Variants in LINGO2 observed in about 807,000 individuals in gnomAD.
LINGO2 encodes the protein leucine rich repeat and Ig domain containing 2.
In LINGO2, 14 loss-of-function variants were observed where a neutral mutation model predicts 30.6. The observed-to-expected ratio is 0.46, with a 90% CI of 0.30 to 0.72. LINGO2 has a LOEUF of 0.72. Among genes scored for constraint, LINGO2 ranks in the 30% least tolerant of loss-of-function variants. LINGO2 has a pLI of 0.07. For synonymous variants in LINGO2, 317 were observed against 288.5 expected (o/e 1.10, Z -1.00); for missense variants, 729 against 751.7 (o/e 0.97, Z 0.35).
rs557006529 is a variant in LINGO2 at position 28,072,829 on chromosome 9, A to G, written c.-86-60424T>C. On this transcript the variant is annotated intron_variant, in intron 4 of 5. Coordinates refer to ENST00000379992, the Ensembl canonical transcript of LINGO2. ...TGGGGCTGGGCCACTTAATGACCAGAAAGGGCAGGAATGGACAACGTAGCG... is the reference window on the plus strand; with the variant it reads ...TGGGGCTGGGCCACTTAATGACCAGGAAGGGCAGGAATGGACAACGTAGCG... Among the ~76,000 whole-genome samples, 10 of 152,126 alleles carry G rather than the reference A, an allele frequency of 6.6e-5. No homozygotes were observed. The South Asian group carries it at 2.1e-3, about 32-fold the overall frequency.
At chr9:28,309,549 T>C (rs1473702852) in intron 3 of LINGO2, among the ~76,000 whole-genome samples, 1 of 151,696 alleles carries the variant, frequency 6.6e-6, no homozygotes, top group Non-Finnish European at 1.5e-5. Flanking sequence ...AACCTGCATG[T>C]TGTGCACATG....
intron 4 of LINGO2, among the ~76,000 whole-genome samples, chr9:28,187,491 G>GAA (rs34656512): frequency 1.5e-5 from 2 of 133,010 alleles, no homozygotes; most frequent in Non-Finnish European, 3.2e-5. Flanking sequence ...CTCTGTCTCA[G>GAA]AAAAAAAAAA....
intron 4 of LINGO2, among the ~76,000 whole-genome samples, chr9:28,095,768 C>T (rs1488820602): frequency 6.6e-6 from 1 of 152,130 alleles, no homozygotes; most frequent in Non-Finnish European, 1.5e-5. Flanking sequence ...TCAGACTGAA[C>T]AGGCAACCTA....
At chr9:28,552,349 C>T (rs778660479) in intron 1 of LINGO2, among the ~76,000 whole-genome samples, 33 of 152,062 alleles carry the variant, frequency 2.2e-4, no homozygotes, top group African/African-American at 4.6e-4. Flanking sequence ...AATAACTGCA[C>T]GGGAGATAAA....
At chr9:28,350,705 A>G (rs1017463080) in intron 3 of LINGO2, among the ~76,000 whole-genome samples, 1 of 151,908 alleles carries the variant, frequency 6.6e-6, no homozygotes, top group Non-Finnish European at 1.5e-5. Context: ...CATTTTTTTC[A>G]GCACCACACC....
chr9:28,942,806 T>C, the LINGO2 span, among the ~76,000 whole-genome samples: 1 of 152,188 alleles, frequency 6.6e-6, no homozygotes, highest in Non-Finnish European at 1.5e-5. Context: ...AATGGGGGGC[T>C]ACTTGCTATC....
the LINGO2 span, among the ~76,000 whole-genome samples, chr9:28,834,797 T>G: frequency 1.3e-5 from 2 of 152,164 alleles, no homozygotes; most frequent in Non-Finnish European, 2.9e-5. Context: ...ATTTATTTAA[T>G]TTTTTGGTAA....
chr9:29,054,440 T>C, the LINGO2 span, among the ~76,000 whole-genome samples: 1 of 152,176 alleles, frequency 6.6e-6, no homozygotes, highest in Admixed American at 6.5e-5. Flanking sequence ...TTTGGAGAGC[T>C]TTTGATCTTT....
At chr9:28,188,081 G>A (rs569058518) in intron 4 of LINGO2, among the ~76,000 whole-genome samples, 12 of 152,040 alleles carry the variant, frequency 7.9e-5, no homozygotes, top group African/African-American at 1.9e-4. Flanking sequence ...TATTTGCTCC[G>A]GACTCTAAAT....
chr9:29,193,334 G>A, the LINGO2 span, among the ~76,000 whole-genome samples: 1 of 151,932 alleles, frequency 6.6e-6, no homozygotes, highest in African/African-American at 2.4e-5. Flanking sequence ...CTCAAATCTG[G>A]TACACCATGC....
chr9:28,271,159 A>G (rs1822924788), intron 4 of LINGO2, among the ~76,000 whole-genome samples: 2 of 151,118 alleles, frequency 1.3e-5, no homozygotes, highest in Admixed American at 6.7e-5. Flanking sequence ...AAAAAAGTAA[A>G]AAAAAAAAAC....
chr9:28,956,475 G>C, the LINGO2 span, among the ~76,000 whole-genome samples: 2 of 152,044 alleles, frequency 1.3e-5, no homozygotes, highest in Non-Finnish European at 2.9e-5. Context: ...TGAAGTGCGG[G>C]AATCACACTG....
chr9:28,156,072 A>G (rs1053296551), intron 4 of LINGO2, among the ~76,000 whole-genome samples: 1 of 152,224 alleles, frequency 6.6e-6, no homozygotes, highest in African/African-American at 2.4e-5. Context: ...TTTTTAATGA[A>G]TTATTCACTG....
chr9:28,881,825 C>G, the LINGO2 span, among the ~76,000 whole-genome samples: 1 of 152,198 alleles, frequency 6.6e-6, no homozygotes, highest in African/African-American at 2.4e-5. Context: ...CTCTGCCAGG[C>G]CACAGGATGT....
intron 3 of LINGO2, among the ~76,000 whole-genome samples, chr9:28,346,583 G>A (rs1296534414): frequency 6.6e-6 from 1 of 152,074 alleles, no homozygotes; most frequent in Non-Finnish European, 1.5e-5. Flanking sequence ...CATATGGTAG[G>A]TCTCTTTTGA....
chr9:29,095,706 T>G, the LINGO2 span, among the ~76,000 whole-genome samples: 3 of 139,166 alleles, frequency 2.2e-5, 1 homozygote, highest in African/African-American at 8.1e-5. Context: ...ACTTGGTATA[T>G]TGTCAAGTGT....
chr9:28,050,738 A>G (rs1273240084), intron 4 of LINGO2, among the ~76,000 whole-genome samples: 4 of 150,980 alleles, frequency 2.6e-5, no homozygotes, highest in Non-Finnish European at 5.9e-5. Flanking sequence ...ACACCTAAAG[A>G]GTTGGGGTAG....
rs544982575 is a variant in LINGO2, at chr9:28,050,275, C to CT, written c.-86-37871dup. ...AGGTTACAAAAATGAGTAAGACATA[C>CT]TTCCTGTCTGTAAGGAACTCACATG... On this transcript the variant is annotated intron_variant, in intron 4 of 5. Transcript: ENST00000379992. 6.3e-4 allele frequency among the ~76,000 whole-genome samples: 95 copies of CT among 150,844 alleles called. 5 individuals are homozygous for CT. Among genetic ancestry groups the CT allele is most frequent in the African/African-American group, 2.3e-3 (94 of 40,886 alleles).
intron 2 of LINGO2, among the ~76,000 whole-genome samples, chr9:28,412,953 G>T (rs1822826464): frequency 6.6e-6 from 1 of 151,994 alleles, no homozygotes; most frequent in Admixed American, 6.6e-5. Flanking sequence ...TCAGTGTGAA[G>T]ATGATAAGGG....
Sources: allele counts gnomAD v4.1 joint callset (sites outside exome capture counted in the v4.1 genomes callset), GRCh38; gene constraint gnomAD v4.1.1; transcripts MANE v1.5; gene names NCBI Gene and HGNC (gene_info 2026-07-23, HGNC 2026-07-21).